Variants in SCAF4 observed in about 807,000 individuals in gnomAD.
SCAF4 encodes SR-related and CTD-associated factor 4.
A neutral mutation model predicts 129.8 loss-of-function variants in SCAF4; 25 were observed. The ratio of observed to expected loss-of-function variants is 0.19; its 90% CI spans 0.14 to 0.27. SCAF4 has a LOEUF of 0.27. Ranked by LOEUF, SCAF4 falls within the 10% of genes least tolerant of loss-of-function variation. SCAF4 has a pLI of 1.00. For synonymous variants in SCAF4, 551 were observed against 497.7 expected (o/e 1.11, Z -1.43); for missense variants, 1,246 against 1,457.1 (o/e 0.86, Z 2.36).
chr21:31,720,916 A>T (rs773794694), intron 1 of SCAF4, among the ~76,000 whole-genome samples: 5 of 152,252 alleles, frequency 3.3e-5, no homozygotes, highest in Non-Finnish European at 7.3e-5. Context: ...CTTGACAGAA[A>T]ATCAGATAAG....
intron 1 of SCAF4, among the ~76,000 whole-genome samples, chr21:31,723,571 T>C (rs2051124208): frequency 6.6e-6 from 1 of 152,014 alleles, no homozygotes; most frequent in Non-Finnish European, 1.5e-5. Context: ...TCAAAAAACA[T>C]ATATTAATGC....
intron 1 of SCAF4, among the ~76,000 whole-genome samples, chr21:31,721,957 T>C (rs1180733629): frequency 6.6e-6 from 1 of 152,076 alleles, no homozygotes; most frequent in African/African-American, 2.4e-5. Context: ...TGACCTCAGA[T>C]GATCCACCCA....
At chr21:31,689,731 G>A (rs940516922) in intron 15 of SCAF4, among the ~76,000 whole-genome samples, 4 of 151,166 alleles carry the variant, frequency 2.6e-5, no homozygotes, top group Non-Finnish European at 4.4e-5. Context: ...TCAGGAGTTC[G>A]AGGCCAGCCT....
At chr21:31,687,282 G>A (rs1463057742) in intron 16 of SCAF4, among the ~76,000 whole-genome samples, 1 of 152,134 alleles carries the variant, frequency 6.6e-6, no homozygotes, top group East Asian at 1.9e-4. Flanking sequence ...CGGCCCTTAT[G>A]ACGTGACAAA....
At chr21:31,690,446 C>G (rs929187819) in intron 15 of SCAF4, among the ~76,000 whole-genome samples, 1 of 152,078 alleles carries the variant, frequency 6.6e-6, no homozygotes, top group Non-Finnish European at 1.5e-5. Flanking sequence ...GATTGCATCA[C>G]TACACTCCAG....
intron 1 of SCAF4, among the ~76,000 whole-genome samples, chr21:31,717,904 T>TATACAC (rs1386669965): frequency 3.9e-4 from 46 of 117,992 alleles, no homozygotes; most frequent in Non-Finnish European, 5.9e-4. Flanking sequence ...TACACATATA[T>TATACAC]ACACACACAC....
At chr21:31,725,852 T>C (rs1255418097) in intron 1 of SCAF4, among the ~76,000 whole-genome samples, 1 of 152,192 alleles carries the variant, frequency 6.6e-6, no homozygotes, top group Non-Finnish European at 1.5e-5. Context: ...ATGATGTCAC[T>C]CTTTATTAAT....
intron 10 of SCAF4, 97 bp from the exon 11 acceptor site, chr21:31,694,386 T>G: frequency 6.8e-6 from 5 of 738,088 alleles, no homozygotes; most frequent in Non-Finnish European, 1.1e-5. Flanking sequence ...TCTCCTTCCC[T>G]GAAGCAATTC....
chr21:31,718,801 T>C (rs983098150), intron 1 of SCAF4, among the ~76,000 whole-genome samples: 17 of 152,274 alleles, frequency 1.1e-4, no homozygotes, highest in Non-Finnish European at 2.2e-4. Flanking sequence ...AAAATTTTCA[T>C]ACTTACTTCT....
At chr21:31,725,849 C>T (rs7283295) in intron 1 of SCAF4, among the ~76,000 whole-genome samples, 2 of 152,064 alleles carry the variant, frequency 1.3e-5, no homozygotes, top group Non-Finnish European at 2.9e-5. Context: ...AAAATGATGT[C>T]ACTCTTTATT....
chr21:31,709,361 A>AAAAAAAG (rs549879115), intron 1 of SCAF4, among the ~76,000 whole-genome samples: 3 of 151,420 alleles, frequency 2.0e-5, no homozygotes, highest in East Asian at 3.9e-4. Flanking sequence ...AAAAAAAAAA[A>AAAAAAAG]AAAGAAAGAA....
chr21:31,685,065 C>G lies in SCAF4; in HGVS notation c.2472G>C (p.Gln824His). ...ATAACTTACCAAGAAGTGAAACAGG[C>G]TGGGTTACAGGAGGGGTGGGCAGAT... is the stretch of plus-strand genomic sequence containing the variant. ...PTNLPTPPVT[Q>H]PVSLLGTQGV... Residue 824 changes from glutamine (Q) to histidine (H), a missense_variant, in exon 19 of 20, where the codon CAG becomes CAC. Physicochemically the swap from Gln to His is conservative, Grantham distance 24. Transcript: ENST00000286835. The G allele has an allele frequency of 6.2e-7, 1 of 1,608,468 alleles. No homozygotes were observed. Among genetic ancestry groups the G allele is most frequent in the South Asian group, 1.1e-5 (1 of 90,928 alleles).
At position 31,696,675 on chromosome 21, in the gene SCAF4, C is replaced by T. The variant is rs771868844; in HGVS notation, c.853G>A (p.Val285Ile). ...EESKKEDTTA[V>I]TTTAPAAAVP... ...GCGGCAGCAGGTGCTGTCGTGGTGA[C>T]GGCAGTGGTATCCTCTTTCTTTGAT... Residue 285 changes from valine to isoleucine, a missense_variant, in exon 8 of 20, where the codon GTC becomes ATC. Transcript: ENST00000286835. 11 of 1,613,952 alleles carry T rather than the reference C, an allele frequency of 6.8e-6. No individual in the cohort carries two copies. The highest frequency in any genetic ancestry group is 2.2e-5 in the East Asian group (1 of 44,886).
At chr21:31,712,885 A>G (rs192250522) in intron 1 of SCAF4, 2 of 974,070 alleles carry the variant, frequency 2.1e-6, no homozygotes, top group Admixed American at 1.2e-4. Context: ...AACTGTTAAT[A>G]GCATGAAATG....
intron 1 of SCAF4, among the ~76,000 whole-genome samples, chr21:31,714,278 T>C (rs555165305): frequency 6.6e-6 from 1 of 152,260 alleles, no homozygotes; most frequent in Admixed American, 6.5e-5. Context: ...TATTCACAAT[T>C]AATGTTATCT....
chr21:31,690,812 C>T lies in SCAF4; in HGVS notation c.1870G>A (p.Asp624Asn). Residue 624 changes from aspartate to asparagine, a missense_variant, in exon 15 of 20, where the codon GAC becomes AAC. By Grantham distance (23) the Asp-to-Asn change is conservative. Transcript: ENST00000286835. ...ACTGCTTTACCTGGGTTAAGTGTGT[C>T]ACTGTCCAACATTCCTCCTTCACAA... ...SFCEGGMLDS[D>N]TLNPDWKGIP... 6.2e-7 allele frequency: 1 copy of T among 1,612,956 alleles called. No homozygotes were observed. The highest frequency in any genetic ancestry group is 1.1e-5 in the South Asian group (1 of 90,714).
At chr21:31,710,855 A>AT (rs1405528033) in intron 1 of SCAF4, among the ~76,000 whole-genome samples, 1 of 152,186 alleles carries the variant, frequency 6.6e-6, no homozygotes, top group East Asian at 1.9e-4. Context: ...TTTTTGGCTC[A>AT]TTTTTCATTA....
intron 1 of SCAF4, among the ~76,000 whole-genome samples, chr21:31,720,220 T>C (rs1247463892): frequency 1.3e-5 from 2 of 152,214 alleles, no homozygotes; most frequent in African/African-American, 4.8e-5. Flanking sequence ...TTCCAGGACA[T>C]AAAATCATTT....
intron 16 of SCAF4, among the ~76,000 whole-genome samples, chr21:31,686,231 AG>A (rs200491574): frequency 1.3e-5 from 2 of 150,532 alleles, no homozygotes; most frequent in Non-Finnish European, 3.0e-5. Flanking sequence ...AAAAAAAAAA[AG>A]GAAAGAAAGA....
Sources: allele counts gnomAD v4.1 joint callset (sites outside exome capture counted in the v4.1 genomes callset), GRCh38; gene constraint gnomAD v4.1.1; transcripts MANE v1.5; gene names NCBI Gene and HGNC (gene_info 2026-07-23, HGNC 2026-07-21).